The following GALNT13 variants were observed in gnomAD, a reference collection of about 807,000 sequenced individuals.
The protein encoded by GALNT13 is UDP-GalNAc:polypeptide N-acetylgalactosaminyltransferase 13.
GALNT13 carries 28 observed loss-of-function variants against 64.2 expected under a neutral mutation model. The observed-to-expected ratio is 0.44, with a 90% CI of 0.32 to 0.60. The LOEUF is 0.60. Ranked by LOEUF, GALNT13 falls within the 20% of genes least tolerant of loss-of-function variation. The pLI, the probability that GALNT13 is intolerant of heterozygous loss-of-function variation, is 0.05. For missense variants in GALNT13, 577 were observed against 669.8 expected (o/e 0.86, Z 1.53); for synonymous variants, 214 against 224.6 (o/e 0.95, Z 0.42).
chr2:154,003,927 C>T (rs1838458), intron 3 of GALNT13, among the ~76,000 whole-genome samples: 38,622 of 151,938 alleles, frequency 0.25, 6,825 homozygotes, highest in East Asian at 0.82. Flanking sequence ...CACTATACTT[C>T]CTGTACAGCC....
chr2:153,333,440 A>G, the GALNT13 span, among the ~76,000 whole-genome samples: 4 of 152,248 alleles, frequency 2.6e-5, no homozygotes, highest in African/African-American at 4.8e-5. Context: ...TTTTGGATCA[A>G]TGGTGTCCTT....
the GALNT13 span, among the ~76,000 whole-genome samples, chr2:153,797,420 A>G: frequency 6.6e-6 from 1 of 152,158 alleles, no homozygotes; most frequent in South Asian, 2.1e-4. Context: ...ACTATTCTCC[A>G]CACTGACAAA....
At chr2:154,425,181 A>G (rs1207641743) in intron 11 of GALNT13, among the ~76,000 whole-genome samples, 2 of 152,228 alleles carry the variant, frequency 1.3e-5, no homozygotes. Context: ...TATCTGGTAT[A>G]GTATATACCA....
the GALNT13 span, among the ~76,000 whole-genome samples, chr2:153,261,770 A>G: frequency 2.6e-5 from 4 of 151,998 alleles, no homozygotes; most frequent in Admixed American, 2.6e-4. Context: ...CCCCCAAGCC[A>G]TGAGACAAAG....
chr2:154,438,853 G>A, intron 12 of GALNT13, 127 bp downstream of exon 12: 1 of 725,824 alleles, frequency 1.4e-6, no homozygotes, highest in Non-Finnish European at 2.2e-6. Context: ...AAGCATGCAG[G>A]CTCATATCCG....
rs779773642 is a variant in GALNT13 at position 154,242,898 on chromosome 2, G to A, written c.679G>A (p.Glu227Lys). The A allele has an allele frequency of 6.2e-7, 1 of 1,613,688 alleles. No individual in the cohort carries two copies. Among genetic ancestry groups the A allele is most frequent in the East Asian group, 2.2e-5 (1 of 44,840 alleles). Residue 227 changes from glutamate to lysine, a missense_variant, in exon 6 of 13, where the codon GAA becomes AAA. This residue lies in a region of GALNT13 where 341 missense variants were observed against 379.3 expected (regional missense o/e 0.90). Coordinates refer to ENST00000392825, the MANE Select transcript of GALNT13 (RefSeq NM_052917.4). ...GGAGCCTTTGCTGGCAAGAATAAAG[G>A]AAGACAGGTAAGAATTTATGTGTTC... ...WLEPLLARIKEDRKTVVCPII... is the reference protein window; with the variant it reads ...WLEPLLARIKKDRKTVVCPII...
chr2:154,406,435 G>T (rs927662908), intron 10 of GALNT13, among the ~76,000 whole-genome samples: 4 of 151,986 alleles, frequency 2.6e-5, no homozygotes, highest in Non-Finnish European at 4.4e-5. Context: ...CTTAGTCTGG[G>T]ATACCTCTCT....
the GALNT13 span, among the ~76,000 whole-genome samples, chr2:153,469,430 T>A: frequency 1.3e-5 from 2 of 152,060 alleles, no homozygotes; most frequent in African/African-American, 2.4e-5. Flanking sequence ...CTAATGCAAG[T>A]CTCAGAGCGG....
At chr2:153,409,638 C>T in the GALNT13 span, among the ~76,000 whole-genome samples, 1 of 151,632 alleles carries the variant, frequency 6.6e-6, no homozygotes, top group Non-Finnish European at 1.5e-5. Context: ...AATCAGACAG[C>T]AAGAAGAATA....
chr2:153,642,347 A>C, the GALNT13 span, among the ~76,000 whole-genome samples: 1 of 151,830 alleles, frequency 6.6e-6, no homozygotes, highest in Non-Finnish European at 1.5e-5. Context: ...TTCTAATACT[A>C]TATTTTATTT....
At chr2:153,181,369 G>A in the GALNT13 span, among the ~76,000 whole-genome samples, 2 of 150,300 alleles carry the variant, frequency 1.3e-5, no homozygotes, top group African/African-American at 4.9e-5. Context: ...AAAAAAAAAG[G>A]TACTTGATAT....
chr2:153,556,627 C>T, the GALNT13 span, among the ~76,000 whole-genome samples: 2 of 152,278 alleles, frequency 1.3e-5, no homozygotes, highest in South Asian at 4.1e-4. Context: ...TCTGAAAACT[C>T]AAATGTCTTC....
chr2:153,290,906 C>T, the GALNT13 span, among the ~76,000 whole-genome samples: 1 of 152,124 alleles, frequency 6.6e-6, no homozygotes. Flanking sequence ...CATATAGTTA[C>T]ATAAATGTAA....
chr2:153,252,616 A>G, the GALNT13 span, among the ~76,000 whole-genome samples: 1 of 152,156 alleles, frequency 6.6e-6, no homozygotes, highest in Non-Finnish European at 1.5e-5. Context: ...TCTAACCTGT[A>G]AGTCTTTAAT....
At chr2:153,090,137 T>C in the GALNT13 span, among the ~76,000 whole-genome samples, 36,392 of 152,094 alleles carry the variant, frequency 0.24, 4,954 homozygotes, top group Non-Finnish European at 0.32. Context: ...TCTGCTCCCA[T>C]GGGTTGATCC....
intron 3 of GALNT13, among the ~76,000 whole-genome samples, chr2:153,991,729 C>T (rs1457159514): frequency 6.6e-6 from 1 of 152,106 alleles, no homozygotes; most frequent in African/African-American, 2.4e-5. Flanking sequence ...ATAGGCTTGA[C>T]TATATTTAAT....
intron 3 of GALNT13, among the ~76,000 whole-genome samples, chr2:154,011,492 G>A (rs531746103): frequency 1.3e-5 from 2 of 152,256 alleles, no homozygotes; most frequent in South Asian, 4.1e-4. Flanking sequence ...GGCTGATTGT[G>A]TGTTTGATTT....
At chr2:154,060,189 T>C (rs776102214) in intron 3 of GALNT13, among the ~76,000 whole-genome samples, 4 of 152,110 alleles carry the variant, frequency 2.6e-5, no homozygotes, top group Non-Finnish European at 5.9e-5. Flanking sequence ...TCGTGGATTT[T>C]CCAGCCTCCA....
At chr2:153,136,848 C>CCACACACACA in the GALNT13 span, among the ~76,000 whole-genome samples, 239 of 148,436 alleles carry the variant, frequency 1.6e-3, no homozygotes, top group East Asian at 7.3e-3. Flanking sequence ...GGTGTTTGCA[C>CCACACACACA]CACACACACA....
Sources: gnomAD v4.1 joint callset for allele counts (sites outside exome capture counted in the v4.1 genomes callset) on GRCh38, gnomAD v4.1.1 for gene constraint, gnomAD v4.1.1 regional missense constraint, MANE v1.5 for transcripts, NCBI Gene and HGNC (gene_info 2026-07-23, HGNC 2026-07-21) for gene names.